Variants in GABBR2 observed in about 807,000 individuals in gnomAD.
GABBR2 encodes G-protein coupled receptor 51.
A neutral mutation model predicts 105.6 loss-of-function variants in GABBR2; 23 were observed. That is an observed-to-expected ratio of 0.22 (90% CI 0.16 to 0.31). GABBR2 has a LOEUF of 0.31. GABBR2 is among the 10% of genes least tolerant of loss of function. The probability of loss-of-function intolerance (pLI) is 1.00; values close to 1 mark genes in which losing one functional copy is unlikely to be tolerated. For synonymous variants in GABBR2, 478 were observed against 499.7 expected (o/e 0.96, Z 0.58); for missense variants, 734 against 1,245.5 (o/e 0.59, Z 6.18).
At chr9:98,548,691 C>G (rs530079529) in intron 2 of GABBR2, among the ~76,000 whole-genome samples, 1 of 119,836 alleles carries the variant, frequency 8.3e-6, no homozygotes, top group African/African-American at 2.7e-5. Context: ...GATATGAGTC[C>G]TGAGTCTAAC....
intron 7 of GABBR2, among the ~76,000 whole-genome samples, chr9:98,416,005 T>C (rs915382792): frequency 1.1e-4 from 16 of 152,038 alleles, no homozygotes; most frequent in Admixed American, 9.2e-4. Context: ...GAAAGATAGG[T>C]AGTCAGGGAT....
chr9:98,629,978 A>G (rs767534781), intron 1 of GABBR2, among the ~76,000 whole-genome samples: 7 of 152,220 alleles, frequency 4.6e-5, no homozygotes, highest in African/African-American at 7.2e-5. Context: ...TTTAAAATAA[A>G]TTAAAACACT....
At chr9:98,379,361 C>T (rs1026919798) in intron 11 of GABBR2, among the ~76,000 whole-genome samples, 6 of 152,154 alleles carry the variant, frequency 3.9e-5, no homozygotes, top group Admixed American at 3.3e-4. Flanking sequence ...CTCTGCTTCC[C>T]AGGTTCAAGT....
intron 2 of GABBR2, among the ~76,000 whole-genome samples, chr9:98,556,627 G>A (rs1225871190): frequency 6.6e-6 from 1 of 152,178 alleles, no homozygotes; most frequent in Non-Finnish European, 1.5e-5. Flanking sequence ...TGTGCCTGTA[G>A]AACACACAGA....
rs142149483 is a variant in GABBR2, at chr9:98,470,349, T to C, written c.999+2797A>G. 5.4e-3 allele frequency among the ~76,000 whole-genome samples: 819 copies of C among 152,310 alleles called. 12 individuals are homozygous for C. Among genetic ancestry groups the C allele is most frequent in the African/African-American group, 0.018 (731 of 41,566 alleles). ...GGTGGCTGAGGAAGCCTCACAATCA[T>C]GGCAGAAGGTGAAAGGCACATCTCA... On this transcript the variant is annotated intron_variant, in intron 6 of 18. Coordinates refer to ENST00000259455, the MANE Select transcript of GABBR2 (RefSeq NM_005458.8).
chr9:98,505,892 T>A (rs1827500643), intron 3 of GABBR2, among the ~76,000 whole-genome samples: 3 of 152,180 alleles, frequency 2.0e-5, no homozygotes, highest in Non-Finnish European at 2.9e-5. Context: ...TCTGTTGTTT[T>A]AAGCCACCTA....
intron 11 of GABBR2, among the ~76,000 whole-genome samples, chr9:98,383,821 A>G (rs1412947992): frequency 6.6e-6 from 1 of 152,106 alleles, no homozygotes; most frequent in South Asian, 2.1e-4. Context: ...CCTTCTTTCC[A>G]TGTGCTGTCC....
At chr9:98,479,758 A>C (rs963878849) in intron 5 of GABBR2, among the ~76,000 whole-genome samples, 4 of 152,086 alleles carry the variant, frequency 2.6e-5, no homozygotes, top group Non-Finnish European at 4.4e-5. Context: ...GTAGACATGC[A>C]ATTTGAGGTC....
At chr9:98,304,832 G>A (rs934549350) in intron 15 of GABBR2, among the ~76,000 whole-genome samples, 5 of 101,700 alleles carry the variant, frequency 4.9e-5, no homozygotes, top group Non-Finnish European at 8.0e-5. Context: ...GTGCAATGGC[G>A]CAATCTTAGC....
chr9:98,437,853 C>T (rs905096967), intron 7 of GABBR2, among the ~76,000 whole-genome samples: 1 of 151,750 alleles, frequency 6.6e-6, no homozygotes, highest in Non-Finnish European at 1.5e-5. Context: ...GTCCACACAT[C>T]TATCCATCCA....
At chr9:98,488,379 C>G (rs1248885896) in intron 4 of GABBR2, among the ~76,000 whole-genome samples, 1 of 152,132 alleles carries the variant, frequency 6.6e-6, no homozygotes, top group Non-Finnish European at 1.5e-5. Context: ...AAGCTGTCCC[C>G]TTAATGTGAG....
intron 13 of GABBR2, among the ~76,000 whole-genome samples, chr9:98,345,410 A>C (rs529280414): frequency 1.5e-3 from 221 of 152,326 alleles, no homozygotes; most frequent in Non-Finnish European, 2.6e-3. Context: ...ATTTCCTCAA[A>C]GGCATCCTCA....
At chr9:98,524,760 C>T (rs943010537) in intron 3 of GABBR2, among the ~76,000 whole-genome samples, 1 of 151,986 alleles carries the variant, frequency 6.6e-6, no homozygotes, top group Admixed American at 6.6e-5. Flanking sequence ...TCACCACCAC[C>T]CTCTACTCGG....
intron 1 of GABBR2, among the ~76,000 whole-genome samples, chr9:98,670,431 G>A (rs923982820): frequency 6.6e-6 from 1 of 152,186 alleles, no homozygotes; most frequent in Non-Finnish European, 1.5e-5. Context: ...AAACAATATG[G>A]CGGTTCCCCC....
intron 1 of GABBR2, among the ~76,000 whole-genome samples, chr9:98,667,221 G>A (rs914777593): frequency 3.3e-5 from 5 of 152,220 alleles, no homozygotes; most frequent in African/African-American, 1.2e-4. Context: ...AGTGGGGGTT[G>A]TAGTTTGTCC....
At chr9:98,494,965 G>A (rs1827248495) in intron 4 of GABBR2, among the ~76,000 whole-genome samples, 1 of 152,252 alleles carries the variant, frequency 6.6e-6, no homozygotes, top group African/African-American at 2.4e-5. Context: ...GCATGTGGCA[G>A]GAGAATGTCA....
intron 8 of GABBR2, among the ~76,000 whole-genome samples, chr9:98,395,021 T>G (rs7029340): frequency 0.056 from 8,525 of 152,238 alleles, 823 homozygotes; most frequent in African/African-American, 0.19. Context: ...ACCCAAGTGG[T>G]GCATTCAAAT....
At chr9:98,441,570 T>C (rs1826031808) in intron 7 of GABBR2, among the ~76,000 whole-genome samples, 1 of 152,162 alleles carries the variant, frequency 6.6e-6, no homozygotes, top group Non-Finnish European at 1.5e-5. Context: ...GTTTCACCTG[T>C]TGGCTAGGCT....
intron 7 of GABBR2, among the ~76,000 whole-genome samples, chr9:98,430,513 G>T (rs1463427047): frequency 6.6e-6 from 1 of 152,028 alleles, no homozygotes; most frequent in Non-Finnish European, 1.5e-5. Context: ...CACCCAACGT[G>T]GTGGGAACAT....
Sources: gnomAD v4.1 joint callset for allele counts (sites outside exome capture counted in the v4.1 genomes callset) on GRCh38, gnomAD v4.1.1 for gene constraint, MANE v1.5 for transcripts, NCBI Gene and HGNC (gene_info 2026-07-23, HGNC 2026-07-21) for gene names.